PTPRD: variants seen among roughly 807,000 people sequenced by gnomAD.
PTPRD encodes the protein protein tyrosine phosphatase receptor type D.
Under a neutral mutation model 214.5 loss-of-function variants are expected in PTPRD, and 34 were observed. The ratio of observed to expected loss-of-function variants is 0.16; its 90% CI spans 0.12 to 0.21. The LOEUF is 0.21. PTPRD is among the 10% of genes least tolerant of loss of function. PTPRD has a pLI of 1.00. For missense variants in PTPRD, 2,545 were observed against 2,398.7 expected (o/e 1.06, Z -1.27); for synonymous variants, 1,128 against 845.7 (o/e 1.33, Z -5.79).
chr9:10,104,932 T>C (rs1162144293), intron 3 of PTPRD, among the ~76,000 whole-genome samples: 4 of 151,774 alleles, frequency 2.6e-5, no homozygotes, highest in Non-Finnish European at 5.9e-5. Context: ...TGTATTGTAG[T>C]TTTCAACTTT....
Position 9,289,786 on chromosome 9 carries a change from G to A in PTPRD, c.-202-106423C>T, listed in dbSNP as rs568421664. Among the ~76,000 whole-genome samples the A allele has an allele frequency of 5.9e-5, 9 of 151,794 alleles. No individual in the cohort carries two copies. In the East Asian group the frequency reaches 1.4e-3, roughly 23 times the overall value. The stretch of plus-strand genomic sequence containing the variant: ...TTCAACCATAATGTCACAAATGGCA[G>A]GATTTACTTCTTCTTAAAGGCTGAA... On this transcript the variant is annotated intron_variant, in intron 9 of 45. Coordinates refer to ENST00000381196, the MANE Select transcript of PTPRD (RefSeq NM_002839.4).
intron 3 of PTPRD, among the ~76,000 whole-genome samples, chr9:10,048,135 T>A (rs1303655111): frequency 6.6e-6 from 1 of 152,150 alleles, no homozygotes; most frequent in East Asian, 1.9e-4. Context: ...TTTGCCACAT[T>A]TTTATTGCCT....
At chr9:8,850,045 GAGAT>G (rs1405408381) in intron 11 of PTPRD, among the ~76,000 whole-genome samples, 1 of 152,168 alleles carries the variant, frequency 6.6e-6, no homozygotes, top group Non-Finnish European at 1.5e-5. Context: ...AGGAAGAAAA[GAGAT>G]AGGGATGACA....
chr9:8,570,471 C>G (rs555521379), intron 14 of PTPRD, among the ~76,000 whole-genome samples: 3 of 151,974 alleles, frequency 2.0e-5, no homozygotes, highest in South Asian at 2.1e-4. Flanking sequence ...TGAGCAACAA[C>G]AAGAAAGGGA....
At chr9:8,429,494 G>A (rs1248005052) in intron 35 of PTPRD, among the ~76,000 whole-genome samples, 25 of 152,002 alleles carry the variant, frequency 1.6e-4, no homozygotes, top group Admixed American at 1.6e-3. Context: ...TATTCATCAA[G>A]GAAATATATT....
At chr9:9,432,671 A>T (rs2083660171) in intron 8 of PTPRD, among the ~76,000 whole-genome samples, 1 of 152,218 alleles carries the variant, frequency 6.6e-6, no homozygotes, top group Non-Finnish European at 1.5e-5. Context: ...GAAATTAGCT[A>T]TTTAGATATT....
At chr9:10,533,329 T>A (rs1478687191) in intron 2 of PTPRD, among the ~76,000 whole-genome samples, 1 of 152,118 alleles carries the variant, frequency 6.6e-6, no homozygotes, top group Non-Finnish European at 1.5e-5. Context: ...TAAGACAGCA[T>A]CCAGCCATCA....
At chr9:9,855,204 T>G (rs2061320288) in intron 5 of PTPRD, among the ~76,000 whole-genome samples, 1 of 152,224 alleles carries the variant, frequency 6.6e-6, no homozygotes, top group Admixed American at 6.5e-5. Context: ...TTTTACTTTT[T>G]AACTTACAGC....
chr9:8,885,194 G>A (rs558535155), intron 11 of PTPRD, among the ~76,000 whole-genome samples: 1 of 152,086 alleles, frequency 6.6e-6, no homozygotes, highest in South Asian at 2.1e-4. Flanking sequence ...GGCTGTGCTA[G>A]GTCCTTTACT....
At chr9:10,082,034 T>A (rs186273495) in intron 3 of PTPRD, among the ~76,000 whole-genome samples, 80 of 152,190 alleles carry the variant, frequency 5.3e-4, no homozygotes, top group Non-Finnish European at 1.0e-3. Context: ...TTATACCTCA[T>A]TAAAATATCA....
At chr9:9,039,187 A>C (rs2099631532) in intron 10 of PTPRD, among the ~76,000 whole-genome samples, 1 of 152,186 alleles carries the variant, frequency 6.6e-6, no homozygotes, top group South Asian at 2.1e-4. Flanking sequence ...CTAAGGCCAA[A>C]CCTGGAATAT....
chr9:9,879,246 G>C (rs565617084), intron 5 of PTPRD, among the ~76,000 whole-genome samples: 6 of 152,204 alleles, frequency 3.9e-5, no homozygotes, highest in Admixed American at 1.3e-4. Context: ...ATTAACATTT[G>C]AGACAGATAA....
chr9:10,573,511 A>G (rs750331489), intron 2 of PTPRD, among the ~76,000 whole-genome samples: 10 of 152,186 alleles, frequency 6.6e-5, no homozygotes, highest in Non-Finnish European at 1.5e-4. Flanking sequence ...CCAACTAGAC[A>G]TAGCCAGGAG....
intron 35 of PTPRD, among the ~76,000 whole-genome samples, chr9:8,420,791 C>T (rs992784780): frequency 1.3e-5 from 2 of 149,326 alleles, no homozygotes; most frequent in African/African-American, 4.9e-5. Flanking sequence ...ATGAATACTA[C>T]AGATCATTTT....
intron 3 of PTPRD, among the ~76,000 whole-genome samples, chr9:10,309,825 C>A (rs2096216230): frequency 6.6e-6 from 1 of 151,988 alleles, no homozygotes; most frequent in Admixed American, 6.6e-5. Context: ...AACGAAGAAA[C>A]TTTAAGAAGG....
chr9:9,547,066 G>C (rs2078976181), intron 8 of PTPRD, among the ~76,000 whole-genome samples: 1 of 151,868 alleles, frequency 6.6e-6, no homozygotes, highest in Non-Finnish European at 1.5e-5. Context: ...TTGTATGCTT[G>C]GTAACAACAG....
At chr9:9,951,623 G>A (rs1415979017) in intron 4 of PTPRD, among the ~76,000 whole-genome samples, 1 of 152,196 alleles carries the variant, frequency 6.6e-6, no homozygotes, top group Non-Finnish European at 1.5e-5. Flanking sequence ...TATCTGAGAT[G>A]AATTTCTTAC....
intron 5 of PTPRD, among the ~76,000 whole-genome samples, chr9:9,849,220 C>T (rs1004058070): frequency 6.6e-6 from 1 of 151,852 alleles, no homozygotes; most frequent in Non-Finnish European, 1.5e-5. Flanking sequence ...CCAGCAGATC[C>T]CAAAGGATCA....
chr9:8,547,039 T>G (rs1216553097), intron 14 of PTPRD, among the ~76,000 whole-genome samples: 2 of 152,206 alleles, frequency 1.3e-5, no homozygotes, highest in Non-Finnish European at 2.9e-5. Flanking sequence ...TACCATTTTA[T>G]CTTGCTATGT....
Sources: gnomAD v4.1 joint callset for allele counts (sites outside exome capture counted in the v4.1 genomes callset) on GRCh38, gnomAD v4.1.1 for gene constraint, MANE v1.5 for transcripts, NCBI Gene and HGNC (gene_info 2026-07-23, HGNC 2026-07-21) for gene names.